Variants in SLIT1 observed in about 807,000 individuals in gnomAD.
SLIT1 encodes the protein slit guidance ligand 1.
SLIT1 carries 66 observed loss-of-function variants against 186.1 expected under a neutral mutation model. The ratio of observed to expected loss-of-function variants is 0.35; its 90% CI spans 0.29 to 0.44. SLIT1 has a LOEUF of 0.44. Ranked by LOEUF, SLIT1 falls within the 20% of genes least tolerant of loss-of-function variation. SLIT1 has a pLI of 1.00. For missense variants in SLIT1, 1,638 were observed against 2,037.4 expected (o/e 0.80, Z 3.77); for synonymous variants, 761 against 833.8 (o/e 0.91, Z 1.50).
chr10:97,147,579 G>A (rs181889453), intron 4 of SLIT1, among the ~76,000 whole-genome samples: 1 of 151,954 alleles, frequency 6.6e-6, no homozygotes, highest in East Asian at 1.9e-4. Context: ...CCCAGGTGAG[G>A]CAGAGGTGGC....
chr10:97,172,742 G>A (rs1850206712), intron 1 of SLIT1, among the ~76,000 whole-genome samples: 1 of 152,020 alleles, frequency 6.6e-6, no homozygotes, highest in Admixed American at 6.6e-5. Context: ...TCTCAACAAA[G>A]AAAATTTTAT....
intron 20 of SLIT1, among the ~76,000 whole-genome samples, 170 bp from the exon 21 acceptor site, chr10:97,040,290 C>A (rs1480100596): frequency 6.6e-6 from 1 of 152,218 alleles, no homozygotes; most frequent in Non-Finnish European, 1.5e-5. Context: ...CCACCGCCAC[C>A]AGGAATGAAG....
chr10:97,058,022 G>A (rs771941867), intron 11 of SLIT1: 1 of 717,480 alleles, frequency 1.4e-6, no homozygotes, highest in South Asian at 1.5e-5. Context: ...GTCATTCCTG[G>A]AGTGAGGCAC....
At chr10:97,097,812 C>A (rs1164282210) in intron 4 of SLIT1, among the ~76,000 whole-genome samples, 1 of 152,212 alleles carries the variant, frequency 6.6e-6, no homozygotes, top group Admixed American at 6.5e-5. Context: ...TCCAGGAAGG[C>A]CTTCCCCAGC....
At chr10:97,059,350 A>C in intron 11 of SLIT1, 110 bp downstream of exon 11, 1 of 863,612 alleles carries the variant, frequency 1.2e-6, no homozygotes, top group Non-Finnish European at 1.9e-6. Flanking sequence ...GGCTGTGTGG[A>C]GGGGGGCATA....
At chr10:97,134,284 G>T (rs988053485) in intron 4 of SLIT1, among the ~76,000 whole-genome samples, 2 of 152,184 alleles carry the variant, frequency 1.3e-5, no homozygotes, top group African/African-American at 4.8e-5. Context: ...TGACTGAGGA[G>T]GTCTTGGGGA....
rs80196965 is a variant in SLIT1, at chr10:97,151,864, C to T, written c.413+5954G>A. 8.1e-3 allele frequency among the ~76,000 whole-genome samples: 1,234 copies of T among 152,226 alleles called. 9 individuals carry two copies. The highest frequency in any genetic ancestry group is 0.013 in the Non-Finnish European group (865 of 68,006). On this transcript the variant is annotated intron_variant, in intron 4 of 36. Transcript: ENST00000266058. ...ACTATGATGATTGCAGTCCCTGAGA[C>T]CTTTCATGAGGCCCTGGGAGAGTGA...
At chr10:97,179,935 G>C (rs1850311911) in intron 1 of SLIT1, among the ~76,000 whole-genome samples, 3 of 152,202 alleles carry the variant, frequency 2.0e-5, no homozygotes, top group Admixed American at 2.0e-4. Flanking sequence ...GAGCCCCGCC[G>C]AGCTGCTAAT....
In SLIT1 at chr10:97,047,806, C is replaced by CCACG; in HGVS notation, c.1517_1518insCGTG (p.Glu506AspfsTer16). Reference sequence around the variant, plus strand: ...GGGGACAGACCACGTCGCTGTTGCACTCGCTGTTCAGCTGGTAATCCTCCG... The same window carrying CCACG: ...GGGGACAGACCACGTCGCTGTTGCACCACGTCGCTGTTCAGCTGGTAATCCTCCG... On this transcript the variant is annotated frameshift_variant, in exon 16 of 37. Coordinates refer to ENST00000266058, the MANE Select transcript of SLIT1 (RefSeq NM_003061.3). LOFTEE classifies it high-confidence loss of function. 1 of 1,614,126 alleles carries CCACG rather than the reference C, an allele frequency of 6.2e-7. No homozygotes were observed. The highest frequency in any genetic ancestry group is 8.5e-7 in the Non-Finnish European group (1 of 1,180,000).
At chr10:97,138,652 T>TG (rs1849727514) in intron 4 of SLIT1, among the ~76,000 whole-genome samples, 1 of 106,914 alleles carries the variant, frequency 9.4e-6, no homozygotes, top group African/African-American at 2.7e-5. Flanking sequence ...GGAAACTGTT[T>TG]TTTTTTTTTT....
At chr10:97,120,710 G>A (rs1029236612) in intron 4 of SLIT1, among the ~76,000 whole-genome samples, 1 of 152,158 alleles carries the variant, frequency 6.6e-6, no homozygotes, top group African/African-American at 2.4e-5. Context: ...ACCTCCGGAA[G>A]AGTTCAGCAC....
intron 4 of SLIT1, among the ~76,000 whole-genome samples, chr10:97,108,070 G>C (rs1849430952): frequency 6.6e-6 from 1 of 152,214 alleles, no homozygotes; most frequent in African/African-American, 2.4e-5. Flanking sequence ...CACTGCCTGA[G>C]CTGCCCTCCT....
At chr10:97,033,672 T>C (rs191183387) in intron 23 of SLIT1, among the ~76,000 whole-genome samples, 17 of 152,336 alleles carry the variant, frequency 1.1e-4, no homozygotes, top group Admixed American at 9.2e-4. Flanking sequence ...ATCACCCATA[T>C]GATTCCACTT....
At chr10:97,113,944 C>T (rs1029131663) in intron 4 of SLIT1, among the ~76,000 whole-genome samples, 6 of 152,168 alleles carry the variant, frequency 3.9e-5, no homozygotes, top group African/African-American at 1.4e-4. Context: ...AGTCTTACTA[C>T]ACTCCCAGGT....
At chr10:97,025,742 T>C (rs1589366573) in intron 25 of SLIT1, among the ~76,000 whole-genome samples, 1 of 152,174 alleles carries the variant, frequency 6.6e-6, no homozygotes, top group South Asian at 2.1e-4. Context: ...AATATGGAAA[T>C]AGTTGAAACA....
At chr10:97,011,193 A>ATCCCTGGT in intron 30 of SLIT1, 63 bp from the exon 31 acceptor site, 10 of 1,199,784 alleles carry the variant, frequency 8.3e-6, no homozygotes, top group Non-Finnish European at 1.1e-5. Context: ...AGGCCAGGGG[A>ATCCCTGGT]GCGCACCAGG....
rs984204950 is a variant in SLIT1 at position 97,163,328 on chromosome 10, C to A, written c.341+52G>T. The A allele has an allele frequency of 4.0e-6, 6 of 1,502,182 alleles. No individual in the cohort carries two copies. In the African/African-American group the frequency reaches 6.9e-5, roughly 17 times the overall value. The allele number at this position is 1,502,182 out of a possible 1,614,324, so 93.1% of individuals were successfully genotyped here. ...CTGGCAGCAGCTTGGCCTGCCAGTT[C>A]CCTCTCGTGCCAGCCCCCCGCCCTC... On this transcript the variant is annotated intron_variant, in intron 3 of 36. Coordinates refer to ENST00000266058, the MANE Select transcript of SLIT1 (RefSeq NM_003061.3).
intron 4 of SLIT1, among the ~76,000 whole-genome samples, chr10:97,114,627 C>A (rs1589399093): frequency 6.6e-6 from 1 of 152,106 alleles, no homozygotes; most frequent in East Asian, 1.9e-4. Context: ...CCACTGCACT[C>A]CAGCCTGGTG....
At chr10:97,048,190 G>A (rs1050487771) in intron 14 of SLIT1, among the ~76,000 whole-genome samples, 194 bp from the exon 15 acceptor site, 2 of 152,194 alleles carry the variant, frequency 1.3e-5, no homozygotes, top group South Asian at 2.1e-4. Flanking sequence ...TGGGGGTGTC[G>A]CATCCAGTTA....
Sources: allele counts gnomAD v4.1 joint callset (sites outside exome capture counted in the v4.1 genomes callset), GRCh38; gene constraint gnomAD v4.1.1; transcripts MANE v1.5; gene names NCBI Gene and HGNC (gene_info 2026-07-23, HGNC 2026-07-21).